Variants in ADAMTS3 observed in about 807,000 individuals in gnomAD.
ADAMTS3 encodes ADAM metallopeptidase with thrombospondin type 1 motif 3.
Under a neutral mutation model 129.0 loss-of-function variants are expected in ADAMTS3, and 73 were observed. The ratio of observed to expected loss-of-function variants is 0.57; its 90% CI spans 0.47 to 0.69. The LOEUF (loss-of-function observed/expected upper bound fraction) is 0.69, where lower values mean the gene tolerates loss of function less well. Among genes scored for constraint, ADAMTS3 ranks in the 30% least tolerant of loss-of-function variants. The probability of loss-of-function intolerance (pLI) is 0.00; values close to 1 mark genes in which losing one functional copy is unlikely to be tolerated. For synonymous variants in ADAMTS3, 477 were observed against 510.8 expected (o/e 0.93, Z 0.89); for missense variants, 1,457 against 1,514.5 (o/e 0.96, Z 0.63).
At position 72,319,902 on chromosome 4, in the gene ADAMTS3, A is replaced by G. The variant is rs199988773; in HGVS notation, c.1164T>C (p.Asp388=). ...CTACTACAAAAGCAGATGAAAAACC[A>G]TCCTCATGATTCAGGGTACAACTTC... ...PVRSCTLNHE[D]GFSSAFVVAH... The change falls in exon 8 of 22, where the codon GAT becomes GAC. Residue 388 remains aspartate (D), a synonymous_variant. Transcript: ENST00000286657. The G allele has an allele frequency of 1.2e-6, 2 of 1,613,970 alleles. No individual in the cohort carries two copies. Among genetic ancestry groups the G allele is most frequent in the East Asian group, 4.5e-5 (2 of 44,806 alleles).
intron 3 of ADAMTS3, among the ~76,000 whole-genome samples, chr4:72,526,889 AG>A (rs1720831927): frequency 6.6e-6 from 1 of 151,096 alleles, no homozygotes; most frequent in South Asian, 2.1e-4. Flanking sequence ...AATGGTCAAA[AG>A]CACAGGTTGT....
intron 4 of ADAMTS3, among the ~76,000 whole-genome samples, chr4:72,359,612 T>C (rs1560485763): frequency 6.6e-6 from 1 of 152,014 alleles, no homozygotes; most frequent in Admixed American, 6.6e-5. Flanking sequence ...GACTCTGGAC[T>C]CCATTTGAAT....
chr4:72,474,409 C>T (rs1719168266), intron 3 of ADAMTS3, among the ~76,000 whole-genome samples: 1 of 151,688 alleles, frequency 6.6e-6, no homozygotes, highest in African/African-American at 2.4e-5. Context: ...AATATGGTAA[C>T]CCAGACACAA....
At chr4:72,310,811 A>G (rs1459870066) in intron 14 of ADAMTS3, among the ~76,000 whole-genome samples, 1 of 152,122 alleles carries the variant, frequency 6.6e-6, no homozygotes, top group Non-Finnish European at 1.5e-5. Flanking sequence ...GTTACTCAGA[A>G]AAGGCATTTG....
chr4:72,448,370 C>T (rs963349695), intron 3 of ADAMTS3, among the ~76,000 whole-genome samples: 1 of 151,766 alleles, frequency 6.6e-6, no homozygotes, highest in Admixed American at 6.6e-5. Context: ...GAGTAATTTT[C>T]TTACATAATT....
At chr4:72,558,824 G>T (rs753934842) in intron 2 of ADAMTS3, among the ~76,000 whole-genome samples, 10 of 151,622 alleles carry the variant, frequency 6.6e-5, no homozygotes, top group Admixed American at 6.6e-4. Context: ...CAATCCAGGT[G>T]AATCAAAGTA....
At chr4:72,467,044 G>T (rs562900099) in intron 3 of ADAMTS3, among the ~76,000 whole-genome samples, 16 of 152,044 alleles carry the variant, frequency 1.1e-4, no homozygotes, top group Admixed American at 1.0e-3. Context: ...TTATTTCAAA[G>T]TTGTATTTTA....
chr4:72,371,305 TAA>T (rs567523335), intron 4 of ADAMTS3, among the ~76,000 whole-genome samples: 1 of 151,516 alleles, frequency 6.6e-6, no homozygotes, highest in African/African-American at 2.4e-5. Context: ...ATATTTGAAT[TAA>T]AAAAAAGACT....
intron 3 of ADAMTS3, among the ~76,000 whole-genome samples, chr4:72,468,327 T>G (rs1236667734): frequency 6.6e-6 from 1 of 152,084 alleles, no homozygotes; most frequent in Non-Finnish European, 1.5e-5. Context: ...ATCCAAAGTT[T>G]ACAGGAGTCT....
At chr4:72,511,048 T>G (rs1184212940) in intron 3 of ADAMTS3, among the ~76,000 whole-genome samples, 2 of 152,214 alleles carry the variant, frequency 1.3e-5, no homozygotes, top group Non-Finnish European at 2.9e-5. Context: ...CTTCAATAAA[T>G]GGTGCTGGGA....
At chr4:72,464,867 A>T (rs2109987529) in intron 3 of ADAMTS3, among the ~76,000 whole-genome samples, 1 of 152,150 alleles carries the variant, frequency 6.6e-6, no homozygotes, top group Admixed American at 6.5e-5. Flanking sequence ...GTGTCACCAA[A>T]TGAGTATTCA....
chr4:72,436,031 C>T (rs879504585), intron 3 of ADAMTS3, among the ~76,000 whole-genome samples: 83 of 151,966 alleles, frequency 5.5e-4, no homozygotes, highest in Admixed American at 3.3e-3. Context: ...AGAGCTTCTG[C>T]GCAACAAAAG....
chr4:72,438,698 T>C (rs1718034228), intron 3 of ADAMTS3, among the ~76,000 whole-genome samples: 1 of 151,752 alleles, frequency 6.6e-6, no homozygotes, highest in South Asian at 2.1e-4. Context: ...GTTTTGATTT[T>C]ACAGACCTCT....
chr4:72,345,535 C>T (rs901006166), intron 4 of ADAMTS3, among the ~76,000 whole-genome samples: 2 of 152,102 alleles, frequency 1.3e-5, no homozygotes, highest in African/African-American at 4.8e-5. Flanking sequence ...GGAGCTCTAT[C>T]CTTCACAAAC....
chr4:72,455,808 T>C (rs1195014664), intron 3 of ADAMTS3, among the ~76,000 whole-genome samples: 3 of 136,300 alleles, frequency 2.2e-5, no homozygotes, highest in African/African-American at 8.0e-5. Flanking sequence ...ATTTTGTGTC[T>C]ATATATTTTA....
chr4:72,371,878 G>A (rs760002624), intron 4 of ADAMTS3, among the ~76,000 whole-genome samples: 1 of 147,876 alleles, frequency 6.8e-6, no homozygotes, highest in African/African-American at 2.5e-5. Flanking sequence ...TTCATGCTGG[G>A]CCATAAAGCA....
chr4:72,399,096 A>G (rs1020198730), intron 4 of ADAMTS3, among the ~76,000 whole-genome samples: 2 of 152,200 alleles, frequency 1.3e-5, no homozygotes, highest in Non-Finnish European at 2.9e-5. Flanking sequence ...AGTACTTGCA[A>G]AGCTTTCACT....
In ADAMTS3 at chr4:72,291,060, C is replaced by T. The variant is rs1718649832; in HGVS notation, c.2726G>A (p.Trp909Ter). 6.2e-7 allele frequency: 1 copy of T among 1,613,762 alleles called. No individual in the cohort carries two copies. Among genetic ancestry groups the T allele is most frequent in the Non-Finnish European group, 8.5e-7 (1 of 1,179,874 alleles). ...GCAGTGTTCCCATTCTTCTGCTACC[C>T]AGCTGTGGGTGCGGGGATTTAATAT... ...CNIQECTHPL[W>*]VAEEWEHCTK... The change falls in exon 20 of 22, where the codon TGG becomes TAG. Residue 909 changes from tryptophan (W) to a stop codon, truncating the protein, a stop_gained and splice_region_variant. Coordinates refer to ENST00000286657, the MANE Select transcript of ADAMTS3 (RefSeq NM_014243.3). LOFTEE classifies it high-confidence loss of function.
At chr4:72,547,124 T>C (rs772018718) in intron 3 of ADAMTS3, among the ~76,000 whole-genome samples, 4 of 152,116 alleles carry the variant, frequency 2.6e-5, no homozygotes, top group Admixed American at 1.3e-4. Context: ...TCTAAAGAAG[T>C]AGAGCATTTT....
Sources: allele counts gnomAD v4.1 joint callset (sites outside exome capture counted in the v4.1 genomes callset), GRCh38; gene constraint gnomAD v4.1.1; transcripts MANE v1.5; gene names NCBI Gene and HGNC (gene_info 2026-07-23, HGNC 2026-07-21).